Variants in DCAF11 observed in about 807,000 individuals in gnomAD.
The protein encoded by DCAF11 is DDB1- and CUL4-associated factor 11.
In DCAF11, 44 loss-of-function variants were observed where a neutral mutation model predicts 76.1. The ratio of observed to expected loss-of-function variants is 0.58; its 90% CI spans 0.45 to 0.74. The LOEUF is 0.74. Among genes scored for constraint, DCAF11 ranks in the 30% least tolerant of loss-of-function variants. DCAF11 has a pLI of 0.00. For missense variants in DCAF11, 604 were observed against 709.4 expected (o/e 0.85, Z 1.69); for synonymous variants, 258 against 255.0 (o/e 1.01, Z -0.11).
chr14:24,123,084 T>G lies in DCAF11; in HGVS notation c.1506+7T>G. The G allele has an allele frequency of 1.2e-6, 2 of 1,614,080 alleles. No individual in the cohort carries two copies. Among genetic ancestry groups the G allele is most frequent in the Non-Finnish European group, 1.7e-6 (2 of 1,180,018 alleles). ...GAAGATTGTCAGCAGTTCGGTGAGG[T>G]TGCAAGGGTTGAGGGTGCTGGCACA... is the stretch of plus-strand genomic sequence containing the variant. On this transcript the variant is annotated splice_region_variant and intron_variant, in intron 14 of 14. Coordinates refer to ENST00000446197, the MANE Select transcript of DCAF11 (RefSeq NM_025230.5).
intron 2 of DCAF11, among the ~76,000 whole-genome samples, chr14:24,116,701 T>C (rs1410828419): frequency 1.3e-5 from 2 of 152,188 alleles, no homozygotes; most frequent in Non-Finnish European, 2.9e-5. Flanking sequence ...ACTTAGTAGG[T>C]CACGTCCACA....
Position 24,115,454 on chromosome 14 carries a change from G to A in DCAF11, c.-141G>A, listed in dbSNP as rs2037528244. ...TAAAGAAAAGGGATCTCAGCCCCGAGGAAGGGTCACCCTCCTAGAGATAGC... is the reference window on the plus strand; with the variant it reads ...TAAAGAAAAGGGATCTCAGCCCCGAAGAAGGGTCACCCTCCTAGAGATAGC... On this transcript the variant is annotated 5_prime_UTR_variant, in exon 2 of 15. Coordinates refer to ENST00000446197, the MANE Select transcript of DCAF11 (RefSeq NM_025230.5). 3 of 1,246,698 alleles carry A rather than the reference G, an allele frequency of 2.4e-6. No individual in the cohort carries two copies. Among genetic ancestry groups the A allele is most frequent in the South Asian group, 3.4e-5 (2 of 59,392 alleles). The allele number at this position is 1,246,698 out of a possible 1,614,324, so 77.2% of individuals were successfully genotyped here. A position where few individuals can be genotyped will look rare whatever the true frequency, so the allele number is the denominator to read the frequency against.
chr14:24,122,857 T>C, intron 13 of DCAF11, 114 bp from the exon 14 acceptor site: 1 of 870,466 alleles, frequency 1.1e-6, no homozygotes, highest in Middle Eastern at 2.6e-4. Context: ...TTTGCTCCCA[T>C]GGGAACATGG....
rs192695072 is a variant in DCAF11 at position 24,119,059 on chromosome 14, A to T, written c.780-86A>T. 203 of 1,546,120 alleles carry T rather than the reference A, an allele frequency of 1.3e-4. No individual in the cohort carries two copies. In the African/African-American group the frequency reaches 2.5e-3, roughly 19 times the overall value. ...GCCAGACTTCTTTTTTCCCCTGGGG[A>T]TGTGCCTTACAACCGTTGTCAGATT... On this transcript the variant is annotated intron_variant, in intron 8 of 14. Coordinates refer to ENST00000446197, the MANE Select transcript of DCAF11 (RefSeq NM_025230.5).
rs538753994 is a variant in DCAF11, at chr14:24,118,041, C to G, written c.477-14C>G. ...TGAGCACCCCTCACCCTCACTTTCT[C>G]TCTCCTTCCCTAGCTTCTTGCCCAA... On this transcript the variant is annotated splice_polypyrimidine_tract_variant and intron_variant, in intron 5 of 14. Coordinates refer to ENST00000446197, the MANE Select transcript of DCAF11 (RefSeq NM_025230.5). 6.3e-7 allele frequency: 1 copy of G among 1,590,818 alleles called. No homozygotes were observed.
At chr14:24,118,280 T>G (rs143253976) in intron 6 of DCAF11, 108 bp from the exon 7 acceptor site, 3 of 1,588,988 alleles carry the variant, frequency 1.9e-6, no homozygotes, top group African/African-American at 2.7e-5. Flanking sequence ...AGACCATGTT[T>G]CCCATGATAA....
rs537965685 is a variant in DCAF11 at position 24,115,507 on chromosome 14, A to G, written c.-88A>G. 89 of 1,509,562 alleles carry G rather than the reference A, an allele frequency of 5.9e-5. No homozygotes were observed. The Middle Eastern group carries it at 2.7e-3, about 45-fold the overall frequency. 93.5% of individuals were successfully genotyped at this position (1,509,562 alleles called of 1,614,324 possible). On this transcript the variant is annotated 5_prime_UTR_variant, in exon 2 of 15. Transcript: ENST00000446197. ...CTACCCCGTCTCAGGAGACCCTGGTATTTCTAGAGCACGCTTTGCTTTCAC... is the reference window on the plus strand; with the variant it reads ...CTACCCCGTCTCAGGAGACCCTGGTGTTTCTAGAGCACGCTTTGCTTTCAC...
chr14:24,119,124 C>G, intron 8 of DCAF11, 21 bp from the exon 9 acceptor site: 1 of 1,614,172 alleles, frequency 6.2e-7, no homozygotes, highest in Non-Finnish European at 8.5e-7. Flanking sequence ...TCCACTTAAC[C>G]CAGCTCCTTC....
At chr14:24,121,716 T>G (rs1438738513) in intron 13 of DCAF11, 199 bp downstream of exon 13, 1 of 620,596 alleles carries the variant, frequency 1.6e-6, no homozygotes, top group Non-Finnish European at 2.7e-6. Context: ...AACATAGAAT[T>G]CTAGACAGTA....
rs1335377560 is a variant in DCAF11 at position 24,115,610 on chromosome 14, A to G, written c.16A>G (p.Ser6Gly). ...TGACCAGAAGATGGGATCGCGGAAC[A>G]GCAGCAGTGCAGGATCCGGGTCCGG... MGSRN[S>G]SSAGSGSGDP... The change falls in exon 2 of 15, where the codon AGC becomes GGC. Residue 6 changes from serine to glycine, a missense_variant. Transcript: ENST00000446197. 6.2e-7 allele frequency: 1 copy of G among 1,613,224 alleles called. No individual in the cohort carries two copies. Among genetic ancestry groups the G allele is most frequent in the African/African-American group, 1.3e-5 (1 of 74,926 alleles).
At chr14:24,120,791 G>A (rs188191383) in intron 11 of DCAF11, 47 bp from the exon 12 acceptor site, 7 of 1,603,092 alleles carry the variant, frequency 4.4e-6, no homozygotes, top group East Asian at 2.2e-5. Context: ...GACAGGCGCC[G>A]ACATTTGCAA....
At chr14:24,121,163 A>G (rs1450389383) in intron 12 of DCAF11, among the ~76,000 whole-genome samples, 172 bp downstream of exon 12, 1 of 152,184 alleles carries the variant, frequency 6.6e-6, no homozygotes, top group Non-Finnish European at 1.5e-5. Context: ...GAATCAACCA[A>G]TATAAAAGTA....
Position 24,117,393 on chromosome 14 carries a change from G to A in DCAF11, c.411G>A (p.Gln137=). The A allele has an allele frequency of 6.2e-7, 1 of 1,614,168 alleles. No individual in the cohort carries two copies. The highest frequency in any genetic ancestry group is 8.5e-7 in the Non-Finnish European group (1 of 1,180,020). The part of the protein sequence containing the change: ...QKHSFPRMLH[Q]RERGLCHRGS... ...ACAGCTTTCCTCGAATGTTGCACCA[G>A]GTAGGCCTCTCCACCTCCCAGCCTG... Residue 137 remains glutamine (Q), a splice_region_variant and synonymous_variant, in exon 4 of 15, where the codon CAG becomes CAA. Transcript: ENST00000446197. The surrounding 1 kb of genome is among the most constrained non-coding windows in gnomAD (Gnocchi z 4.3).
chr14:24,119,454 G>A (rs1013934690), intron 9 of DCAF11, 105 bp from the exon 10 acceptor site: 6 of 1,442,812 alleles, frequency 4.2e-6, no homozygotes, highest in Non-Finnish European at 5.8e-6. Context: ...AAGAGCAAAG[G>A]GCTTGACCCA....
chr14:24,120,768 C>T (rs764882639), intron 11 of DCAF11, 70 bp from the exon 12 acceptor site: 162 of 1,571,626 alleles, frequency 1.0e-4, no homozygotes, highest in Non-Finnish European at 1.1e-4. Context: ...AACTAGAGAA[C>T]GGGAACTAGA....
At position 24,114,936 on chromosome 14, in the gene DCAF11, C is replaced by T. The variant is rs1357055917; in HGVS notation, c.-571C>T. 9.1e-6 allele frequency: 9 copies of T among 985,906 alleles called. No individual in the cohort carries two copies. Among genetic ancestry groups the T allele is most frequent in the African/African-American group, 3.5e-5 (2 of 57,258 alleles). The allele number at this position is 985,906 out of a possible 1,614,324, so 61.1% of individuals were successfully genotyped here. On this transcript the variant is annotated 5_prime_UTR_variant, in exon 1 of 15. Transcript: ENST00000446197. Reference sequence around the variant, plus strand: ...ACCGCTCCTGGCTGGTGGGTGGTCTCGCGTGGGGCGGTTACCGCCGGCTTC... The same window carrying T: ...ACCGCTCCTGGCTGGTGGGTGGTCTTGCGTGGGGCGGTTACCGCCGGCTTC...
rs1028949957 is a variant in DCAF11, at chr14:24,120,260, A to G, written c.1092+364A>G. Among the ~76,000 whole-genome samples the G allele has an allele frequency of 9.9e-5, 15 of 150,878 alleles. No individual in the cohort carries two copies. The East Asian group carries it at 2.9e-3, about 29-fold the overall frequency. The stretch of plus-strand genomic sequence containing the variant: ...CTCTATTTATTTAAAAAAAAAAACA[A>G]AAAAAAAAAACTAAGGCCAGATGCC... On this transcript the variant is annotated intron_variant, in intron 11 of 14. Transcript: ENST00000446197.
At chr14:24,123,128 G>C in intron 14 of DCAF11, 47 bp from the exon 15 acceptor site, 1 of 1,614,086 alleles carries the variant, frequency 6.2e-7, no homozygotes, top group South Asian at 1.1e-5. Context: ...GCTTGGACTT[G>C]GGTGGGGGCA....
At chr14:24,120,754 G>C (rs2037675716) in intron 11 of DCAF11, 84 bp from the exon 12 acceptor site, 8 of 1,536,974 alleles carry the variant, frequency 5.2e-6, no homozygotes, top group Non-Finnish European at 7.1e-6. Context: ...GAGTTCTTCT[G>C]CTCAACTAGA....
Sources: gnomAD v4.1 joint callset for allele counts (sites outside exome capture counted in the v4.1 genomes callset) on GRCh38, gnomAD v4.1.1 for gene constraint, Gnocchi (gnomAD v3.1) non-coding constraint, MANE v1.5 for transcripts, NCBI Gene and HGNC (gene_info 2026-07-23, HGNC 2026-07-21) for gene names.